LGSN: variants seen among roughly 807,000 people sequenced by gnomAD.
LGSN encodes lengsin.
In LGSN, 21 loss-of-function variants were observed where a neutral mutation model predicts 19.5. The observed-to-expected ratio is 1.07, with a 90% CI of 0.76 to 1.55. The LOEUF (loss-of-function observed/expected upper bound fraction) is 1.55, where lower values mean the gene tolerates loss of function less well. Ranked by LOEUF, LGSN falls within the 40% of genes most tolerant of loss-of-function variation. The pLI is 0.00. For missense variants in LGSN, 673 were observed against 608.5 expected (o/e 1.11, Z -1.12); for synonymous variants, 257 against 215.6 (o/e 1.19, Z -1.68).
At chr6:63,354,671 G>A in the LGSN span, among the ~76,000 whole-genome samples, 1 of 152,146 alleles carries the variant, frequency 6.6e-6, no homozygotes, top group Non-Finnish European at 1.5e-5. Context: ...GTATGTTGAA[G>A]AGACATCTGC....
chr6:63,534,745 C>T, the LGSN span, among the ~76,000 whole-genome samples: 7 of 92,902 alleles, frequency 7.5e-5, no homozygotes, highest in East Asian at 1.9e-3. Context: ...GTCAGGAGTT[C>T]GAGACCAGCC....
chr6:63,441,891 G>A, the LGSN span: 16 of 259,536 alleles, frequency 6.2e-5, no homozygotes, highest in Non-Finnish European at 1.0e-4. Flanking sequence ...CTTTGTGTCC[G>A]GAATAATGGG....
At chr6:63,511,246 CT>C in the LGSN span, among the ~76,000 whole-genome samples, 394 of 131,268 alleles carry the variant, frequency 3.0e-3, no homozygotes, top group South Asian at 8.1e-3. Flanking sequence ...AAATAGATTT[CT>C]TTTTTTTTTT....
At chr6:63,504,469 T>C in the LGSN span, among the ~76,000 whole-genome samples, 1 of 152,218 alleles carries the variant, frequency 6.6e-6, no homozygotes, top group Non-Finnish European at 1.5e-5. Context: ...CTCGAACTCC[T>C]GACCTAGTGA....
At chr6:63,477,972 A>G in the LGSN span, among the ~76,000 whole-genome samples, 1 of 151,122 alleles carries the variant, frequency 6.6e-6, no homozygotes, top group Non-Finnish European at 1.5e-5. Flanking sequence ...CCCCCTACTC[A>G]TCTTCTTCTT....
the LGSN span, among the ~76,000 whole-genome samples, chr6:63,491,998 C>T: frequency 1.3e-5 from 2 of 150,408 alleles, no homozygotes; most frequent in African/African-American, 4.9e-5. Flanking sequence ...CATTGCACTC[C>T]AGCCTGGGCA....
the LGSN span, among the ~76,000 whole-genome samples, chr6:63,450,959 G>C: frequency 6.6e-6 from 1 of 152,154 alleles, no homozygotes; most frequent in Non-Finnish European, 1.5e-5. Context: ...ACAGGTGTGA[G>C]CCACCACACC....
the LGSN span, among the ~76,000 whole-genome samples, chr6:63,328,572 A>T: frequency 1.3e-5 from 2 of 152,192 alleles, no homozygotes; most frequent in African/African-American, 4.8e-5. Context: ...ACTACCCTTA[A>T]ACAGTGAGGC....
chr6:63,336,187 T>A, the LGSN span, among the ~76,000 whole-genome samples: 1 of 152,202 alleles, frequency 6.6e-6, no homozygotes, highest in Non-Finnish European at 1.5e-5. Flanking sequence ...ACGCATTTTT[T>A]AAAAGTTAAC....
At chr6:63,339,003 ATT>A in the LGSN span, among the ~76,000 whole-genome samples, 2 of 152,038 alleles carry the variant, frequency 1.3e-5, no homozygotes, top group Admixed American at 6.6e-5. Context: ...CTTGTTATTC[ATT>A]TCTAGTTTTA....
At chr6:63,505,561 AAAAAAAAGAAAGAAAGAAAGAAAG>A in the LGSN span, among the ~76,000 whole-genome samples, 1 of 70,620 alleles carries the variant, frequency 1.4e-5, no homozygotes, top group Non-Finnish European at 2.6e-5. Context: ...GTCAAAAAAA[AAAAAAAAGAAAGAAAGAAAGAAAG>A]AAAGAAAGAA....
At chr6:63,347,977 C>T in the LGSN span, among the ~76,000 whole-genome samples, 1 of 152,148 alleles carries the variant, frequency 6.6e-6, no homozygotes, top group African/African-American at 2.4e-5. Flanking sequence ...ATCAAGTCTG[C>T]TTCTAGCTCT....
the LGSN span, among the ~76,000 whole-genome samples, chr6:63,514,710 T>C: frequency 1.3e-5 from 2 of 152,088 alleles, no homozygotes; most frequent in African/African-American, 4.8e-5. Flanking sequence ...AACAAGTGCT[T>C]TTTGTTTGTT....
chr6:63,522,110 A>G, the LGSN span, among the ~76,000 whole-genome samples: 17 of 152,282 alleles, frequency 1.1e-4, no homozygotes, highest in South Asian at 1.2e-3. Context: ...GTTAATACAT[A>G]GGTGAATCCT....
At position 63,276,357 on chromosome 6, in the gene LGSN, A is replaced by G. The variant is rs1161949199; in HGVS notation, c.*3664T>C. ...ACACTGTAAAATGAAATTTTAGATT[A>G]TAGAATGTCCTTGAAAATAGAAACT... On this transcript the variant is annotated 3_prime_UTR_variant, in exon 4 of 4. Coordinates refer to ENST00000370657, the MANE Select transcript of LGSN (RefSeq NM_016571.3). 2.6e-5 allele frequency: 4 copies of G among 152,242 alleles called. No individual in the cohort carries two copies. The highest frequency in any genetic ancestry group is 6.5e-5 in the Admixed American group (1 of 15,286). The allele number at this position is 152,242 out of a possible 1,614,324, so 9.4% of individuals were successfully genotyped here. A position where few individuals can be genotyped will look rare whatever the true frequency, so the allele number is the denominator to read the frequency against.
At chr6:63,388,682 C>T in the LGSN span, among the ~76,000 whole-genome samples, 4 of 152,150 alleles carry the variant, frequency 2.6e-5, no homozygotes, top group Non-Finnish European at 5.9e-5. Context: ...GTTTGAGCCA[C>T]CCAGTCTGTG....
chr6:63,426,554 G>A, the LGSN span, among the ~76,000 whole-genome samples: 1 of 150,798 alleles, frequency 6.6e-6, no homozygotes. Context: ...TCGCTCTGTT[G>A]CCCAGGCTAG....
chr6:63,306,757 C>G (rs1354374523), intron 1 of LGSN, among the ~76,000 whole-genome samples: 1 of 152,170 alleles, frequency 6.6e-6, no homozygotes, highest in African/African-American at 2.4e-5. Context: ...TAGTTGATAG[C>G]CCTTCCCAGG....
chr6:63,314,936 A>G (rs935664981), intron 1 of LGSN, among the ~76,000 whole-genome samples: 3 of 152,200 alleles, frequency 2.0e-5, no homozygotes, highest in Non-Finnish European at 2.9e-5. Flanking sequence ...CCATGGTTTA[A>G]GGTTTCATGA....
Sources: allele counts gnomAD v4.1 joint callset (sites outside exome capture counted in the v4.1 genomes callset), GRCh38; gene constraint gnomAD v4.1.1; transcripts MANE v1.5; gene names NCBI Gene and HGNC (gene_info 2026-07-23, HGNC 2026-07-21).